Variants in ABCA13 observed in about 807,000 individuals in gnomAD.
ABCA13 encodes ATP binding cassette subfamily A member 13, also known as ATP-binding cassette sub-family A member 13.
In ABCA13, 476 loss-of-function variants were observed where a neutral mutation model predicts 478.7. The observed-to-expected ratio is 0.99, with a 90% CI of 0.92 to 1.07. ABCA13 has a LOEUF of 1.07. Ranked by LOEUF, ABCA13 falls within the 50% of genes least tolerant of loss-of-function variation. The pLI, the probability that ABCA13 is intolerant of heterozygous loss-of-function variation, is 0.00. For synonymous variants in ABCA13, 2,252 were observed against 2,158.9 expected, an observed-to-expected ratio of 1.04 and a Z score of -1.20; for missense variants, 6,060 against 5,910.6, an observed-to-expected ratio of 1.03 and a Z score of -0.83.
chr7:48,602,950 T>G (rs1791067658), intron 58 of ABCA13, among the ~76,000 whole-genome samples: 1 of 152,196 alleles, frequency 6.6e-6, no homozygotes, highest in African/African-American at 2.4e-5. Flanking sequence ...TTCACATTCC[T>G]TGTAAGTTGT....
chr7:48,273,487 A>C lies in ABCA13; in HGVS notation c.3821A>C (p.Glu1274Ala), dbSNP rs190498052. 5 of 1,604,550 alleles carry C rather than the reference A, an allele frequency of 3.1e-6. No individual in the cohort carries two copies. Among genetic ancestry groups the C allele is most frequent in the Middle Eastern group, 1.6e-4 (1 of 6,078 alleles). ...CAGTTGAAGACATTTCCATTCAACG[A>C]AAGTACAAGCAGAGAGTTTTTAAAT... ...LHQLKTFPFN[E>A]STSREFLNSL... Residue 1274 changes from glutamate (E) to alanine (A), a missense_variant, in exon 17 of 62, where the codon GAA becomes GCA. Transcript: ENST00000435803.
intron 57 of ABCA13, among the ~76,000 whole-genome samples, chr7:48,592,244 C>T (rs1329012631): frequency 6.6e-6 from 1 of 151,616 alleles, no homozygotes; most frequent in Non-Finnish European, 1.5e-5. Context: ...TCTGCTTTTA[C>T]TTCATCCCAT....
chr7:48,554,079 A>G (rs1451159914), intron 55 of ABCA13, among the ~76,000 whole-genome samples: 1 of 151,946 alleles, frequency 6.6e-6, no homozygotes, highest in Non-Finnish European at 1.5e-5. Flanking sequence ...TTTATTGAAG[A>G]CCATCTTCTT....
chr7:48,364,959 T>A (rs186764580), intron 31 of ABCA13, among the ~76,000 whole-genome samples: 26 of 152,260 alleles, frequency 1.7e-4, no homozygotes, highest in Non-Finnish European at 1.3e-4. Flanking sequence ...TGTAGTTATA[T>A]TTTTTAGTTA....
intron 55 of ABCA13, among the ~76,000 whole-genome samples, chr7:48,536,126 G>T (rs187771189): frequency 6.6e-6 from 1 of 152,176 alleles, no homozygotes; most frequent in Admixed American, 6.5e-5. Flanking sequence ...GGAGCTGCAG[G>T]CTAGTCCTGC....
chr7:48,492,364 C>T (rs1563345499), intron 48 of ABCA13, among the ~76,000 whole-genome samples: 1 of 152,222 alleles, frequency 6.6e-6, no homozygotes, highest in Non-Finnish European at 1.5e-5. Context: ...TGTTGGAATA[C>T]TCACCACCCC....
intron 27 of ABCA13, among the ~76,000 whole-genome samples, chr7:48,319,706 T>C (rs1439567083): frequency 6.6e-6 from 1 of 152,226 alleles, no homozygotes; most frequent in Non-Finnish European, 1.5e-5. Flanking sequence ...AGCATGATGC[T>C]GTGGTAAGAA....
At chr7:48,582,945 A>T (rs1378968435) in intron 56 of ABCA13, among the ~76,000 whole-genome samples, 1 of 152,162 alleles carries the variant, frequency 6.6e-6, no homozygotes, top group Non-Finnish European at 1.5e-5. Context: ...GTTATTACCA[A>T]ATGATGCAAG....
chr7:48,449,322 T>A (rs1824705519), intron 42 of ABCA13, among the ~76,000 whole-genome samples: 1 of 152,214 alleles, frequency 6.6e-6, no homozygotes, highest in African/African-American at 2.4e-5. Flanking sequence ...TCCTCTCCTC[T>A]TCCCTTTTCT....
rs909993401 is a variant in ABCA13, at chr7:48,272,492, T to C, written c.2826T>C (p.Asp942=). 4 of 1,613,668 alleles carry C rather than the reference T, an allele frequency of 2.5e-6. No individual in the cohort carries two copies. The highest frequency in any genetic ancestry group is 3.4e-6 in the Non-Finnish European group (4 of 1,179,766). ...CTGAACCACAAAAACAAGAAGTTGATAAAATTTTGACTCACATACACCTAA... is the reference window on the plus strand; with the variant it reads ...CTGAACCACAAAAACAAGAAGTTGACAAAATTTTGACTCACATACACCTAA... ...ALSEPQKQEV[D]KILTHIHLNV... The change falls in exon 17 of 62, where the codon GAT becomes GAC. Residue 942 remains aspartate, a synonymous_variant. Coordinates refer to ENST00000435803, the MANE Select transcript of ABCA13 (RefSeq NM_152701.5).
intron 3 of ABCA13, among the ~76,000 whole-genome samples, chr7:48,202,324 C>A (rs575048131): frequency 6.6e-6 from 1 of 152,096 alleles, no homozygotes; most frequent in Admixed American, 6.6e-5. Context: ...AGGTTCTCCA[C>A]GTCCCCATCA....
rs1315779383 is a variant in ABCA13 at position 48,352,315 on chromosome 7, T to C, written c.10516T>C (p.Trp3506Arg). The change falls in exon 31 of 62, where the codon TGG (tryptophan) becomes CGG (arginine). Residue 3506 changes from tryptophan (W) to arginine (R), a missense_variant. Trp to Arg is a moderately radical substitution (Grantham distance 101). Around this residue, in one of 3 missense-constraint regions of ABCA13, gnomAD observed 4,423 missense variants for 4,309.1 expected, o/e 1.03. Coordinates refer to ENST00000435803, the MANE Select transcript of ABCA13 (RefSeq NM_152701.5). ...VRTDVVKNPS[W>R]KFHPQNLPAD... ...AACAGATGTGGTAAAAAACCCTTCTTGGAAGTTCCACCCTCAGAATCTACC... is the reference window on the plus strand; with the variant it reads ...AACAGATGTGGTAAAAAACCCTTCTCGGAAGTTCCACCCTCAGAATCTACC... 2 of 1,613,838 alleles carry C rather than the reference T, an allele frequency of 1.2e-6. No individual in the cohort carries two copies. Among genetic ancestry groups the C allele is most frequent in the Admixed American group, 3.3e-5 (2 of 60,018 alleles).
At chr7:48,263,912 T>C (rs1794529306) in intron 15 of ABCA13, among the ~76,000 whole-genome samples, 1 of 151,868 alleles carries the variant, frequency 6.6e-6, no homozygotes, top group Non-Finnish European at 1.5e-5. Flanking sequence ...AGTGAAAGTC[T>C]TCATCACTCC....
intron 59 of ABCA13, among the ~76,000 whole-genome samples, chr7:48,636,079 T>C (rs1466405316): frequency 1.3e-5 from 2 of 152,160 alleles, no homozygotes; most frequent in Non-Finnish European, 2.9e-5. Context: ...TCTAGTTCTA[T>C]TGTTTTTGAG....
rs563816066 is a variant in ABCA13 at position 48,309,841 on chromosome 7, G to A, written c.9322-106G>A. 19 of 1,326,096 alleles carry A rather than the reference G, an allele frequency of 1.4e-5. No homozygotes were observed. The African/African-American group carries it at 2.2e-4, about 15-fold the overall frequency. The allele number at this position is 1,326,096 out of a possible 1,614,324, so 82.1% of individuals were successfully genotyped here. ...TCTGCAGGTCAGTCCCGGGAGTTGG[G>A]AAATCCACTCTTGGGCGACTCCCTG... is the stretch of plus-strand genomic sequence containing the variant. On this transcript the variant is annotated intron_variant, in intron 23 of 61. Transcript: ENST00000435803.
intron 35 of ABCA13, among the ~76,000 whole-genome samples, chr7:48,381,207 C>T (rs1814318718): frequency 6.6e-6 from 1 of 152,036 alleles, no homozygotes; most frequent in African/African-American, 2.4e-5. Flanking sequence ...ACAGTTATCT[C>T]CTGATTTGTT....
At chr7:48,469,568 G>A (rs781016713) in intron 44 of ABCA13, among the ~76,000 whole-genome samples, 1 of 150,016 alleles carries the variant, frequency 6.7e-6, no homozygotes, top group Non-Finnish European at 1.5e-5. Flanking sequence ...CTTGTAGAGA[G>A]CTTTTGTTCT....
In ABCA13 at chr7:48,372,515, T is replaced by TG; in HGVS notation, c.11133+18_11133+19insG. On this transcript the variant is annotated intron_variant, in intron 33 of 61. Coordinates refer to ENST00000435803, the MANE Select transcript of ABCA13 (RefSeq NM_152701.5). ...CATTTCTGGTAAGTAAGTTGTTTTG[T>TG]AAAAAAAAAAAAAAAAAACAACAAA... 8.4e-7 allele frequency: 1 copy of TG among 1,193,898 alleles called. No individual in the cohort carries two copies. Among genetic ancestry groups the TG allele is most frequent in the Non-Finnish European group, 1.1e-6 (1 of 896,398 alleles). The allele number at this position is 1,193,898 out of a possible 1,614,324, so 74.0% of individuals were successfully genotyped here. A position where few individuals can be genotyped will look rare whatever the true frequency, so the allele number is the denominator to read the frequency against.
At chr7:48,307,198 A>G (rs1801032261) in intron 23 of ABCA13, among the ~76,000 whole-genome samples, 1 of 152,212 alleles carries the variant, frequency 6.6e-6, no homozygotes. Context: ...TATCATCATT[A>G]TGTGAACATT....
Sources: allele counts gnomAD v4.1 joint callset (sites outside exome capture counted in the v4.1 genomes callset), GRCh38; gene constraint gnomAD v4.1.1; regional missense constraint gnomAD v4.1.1; transcripts MANE v1.5; gene names NCBI Gene and HGNC (gene_info 2026-07-23, HGNC 2026-07-21).